The following MAP3K15 variants were observed in gnomAD, a reference collection of about 807,000 sequenced individuals.
The protein encoded by MAP3K15 is mitogen-activated protein kinase kinase kinase 15.
In MAP3K15, 124 loss-of-function variants were observed where a neutral mutation model predicts 99.5. The ratio of observed to expected loss-of-function variants is 1.25; its 90% CI spans 1.08 to 1.45. The LOEUF is 1.45. Ranked by LOEUF, MAP3K15 falls within the 40% of genes most tolerant of loss-of-function variation. MAP3K15 has a pLI of 0.00. For synonymous variants in MAP3K15, 494 were observed against 439.6 expected (o/e 1.12, Z -1.55); for missense variants, 1,242 against 1,079.7 (o/e 1.15, Z -2.11).
chrX:19,441,976 T>C (rs895949467), intron 6 of MAP3K15, among the ~76,000 whole-genome samples: 5 of 111,807 alleles, frequency 4.5e-5, no homozygotes, highest in African/African-American at 1.6e-4. Context: ...TACATCCACA[T>C]TGGAATAGTG....
In MAP3K15 at chrX:19,378,903, T is replaced by C. The variant is rs2063439150; in HGVS notation, c.2589+1217A>G. On this transcript the variant is annotated intron_variant, in intron 19 of 28. Coordinates refer to ENST00000338883, the MANE Select transcript of MAP3K15 (RefSeq NM_001001671.4). ...TTCCTGTTAGCTCGGGGAGGGTTGT[T>C]GGAATGATAAGGGATATATTTACCT... Among the ~76,000 whole-genome samples, 3 of 111,075 alleles carry C rather than the reference T, an allele frequency of 2.7e-5. No individual in the cohort carries two copies. The South Asian group carries it at 1.2e-3, about 43-fold the overall frequency.
intron 9 of MAP3K15, among the ~76,000 whole-genome samples, chrX:19,416,212 T>C (rs1178129442): frequency 1.8e-5 from 2 of 110,836 alleles, no homozygotes; most frequent in East Asian, 2.8e-4. Context: ...GCGTCTATAG[T>C]CCCAACTACT....
chrX:19,496,744 T>C (rs184962811), intron 1 of MAP3K15: 1 of 111,194 alleles, frequency 9.0e-6, no homozygotes, highest in East Asian at 2.8e-4. Context: ...CTTTTACATA[T>C]ACTCCTCCCA....
At position 19,415,249 on chromosome X, in the gene MAP3K15, C is replaced by A. The variant is rs781249134; in HGVS notation, c.1448G>T (p.Arg483Leu). The A allele has an allele frequency of 1.7e-6, 2 of 1,165,927 alleles. No individual in the cohort carries two copies. Among genetic ancestry groups the A allele is most frequent in the Non-Finnish European group, 2.3e-6 (2 of 879,207 alleles). The change falls in exon 10 of 29, where the codon CGA (arginine) becomes CTA (leucine). Residue 483 changes from arginine to leucine, a missense_variant. Physicochemically the swap from Arg to Leu is moderately radical, Grantham distance 102 (BLOSUM62 -2). Transcript: ENST00000338883. ...FKLKPPVWYLRSLVQNLLLIR... is the reference protein window; with the variant it reads ...FKLKPPVWYLLSLVQNLLLIR... ...TAGTAACAAGTTCTGAACTAATGAT[C>A]GCAGGTACCTGGAAAAATCACAAAC...
intron 16 of MAP3K15, among the ~76,000 whole-genome samples, chrX:19,393,876 G>A (rs1260104173): frequency 1.0e-5 from 1 of 100,414 alleles, no homozygotes; most frequent in Non-Finnish European, 2.0e-5. Context: ...GGTTTTAAGC[G>A]ATTCTTGTGC....
chrX:19,447,398 C>T (rs1417217057), intron 6 of MAP3K15, among the ~76,000 whole-genome samples: 228 of 111,820 alleles, frequency 2.0e-3, no homozygotes, highest in Non-Finnish European at 3.6e-3. Context: ...CCCTACATTG[C>T]TGAAATAAGA....
intron 9 of MAP3K15, among the ~76,000 whole-genome samples, chrX:19,419,599 A>G (rs981559391): frequency 9.0e-6 from 1 of 111,292 alleles, no homozygotes; most frequent in African/African-American, 3.3e-5. Flanking sequence ...GGGAGACTTT[A>G]ACACCCCACT....
intron 18 of MAP3K15, among the ~76,000 whole-genome samples, chrX:19,386,115 G>A (rs1421983387): frequency 8.9e-6 from 1 of 111,798 alleles, no homozygotes; most frequent in Non-Finnish European, 1.9e-5. Flanking sequence ...TGGCATTGTG[G>A]GGCATCTGAA....
intron 3 of MAP3K15, among the ~76,000 whole-genome samples, chrX:19,474,545 G>T (rs867013031): frequency 1.0e-5 from 1 of 97,166 alleles, no homozygotes; most frequent in Non-Finnish European, 2.1e-5. Context: ...TTGGAGGTTG[G>T]GGGGGGGGGT....
intron 11 of MAP3K15, among the ~76,000 whole-genome samples, chrX:19,411,680 G>C (rs1247923203): frequency 9.1e-6 from 1 of 110,241 alleles, no homozygotes; most frequent in Non-Finnish European, 1.9e-5. Context: ...GCTAAAGTGG[G>C]GGAAGAAGGA....
chrX:19,448,224 T>C (rs1376516220), intron 6 of MAP3K15, among the ~76,000 whole-genome samples: 1 of 109,385 alleles, frequency 9.1e-6, no homozygotes. Context: ...CCACATGCGA[T>C]TGATTCAGAG....
chrX:19,392,714 G>T (rs1252555787), intron 16 of MAP3K15, among the ~76,000 whole-genome samples: 1 of 111,443 alleles, frequency 9.0e-6, no homozygotes, highest in Admixed American at 9.6e-5. Context: ...TGTGCCCCCT[G>T]AAATTCAGTG....
intron 9 of MAP3K15, 28 bp downstream of exon 9, chrX:19,425,503 G>A: frequency 8.6e-7 from 1 of 1,166,327 alleles, no homozygotes; most frequent in Non-Finnish European, 1.1e-6. Context: ...ATTGAGATGG[G>A]TGATGACAAC....
chrX:19,513,713 G>A (rs1443395910), intron 1 of MAP3K15, among the ~76,000 whole-genome samples: 2 of 111,555 alleles, frequency 1.8e-5, no homozygotes, highest in Admixed American at 9.5e-5. Context: ...TAGGTTTAGG[G>A]TAGGCACTGT....
chrX:19,481,348 G>A (rs1322829508), intron 3 of MAP3K15, among the ~76,000 whole-genome samples: 1 of 107,482 alleles, frequency 9.3e-6, no homozygotes, highest in Non-Finnish European at 1.9e-5. Context: ...AATGAAGTTG[G>A]ACATCTACCT....
chrX:19,370,843 C>T (rs1231365358), intron 24 of MAP3K15, 116 bp downstream of exon 24: 3 of 585,674 alleles, frequency 5.1e-6, no homozygotes, highest in Non-Finnish European at 8.4e-6. Context: ...GCATTTAATT[C>T]CAAGGAAGTA....
At chrX:19,424,695 G>A (rs2063816262) in intron 9 of MAP3K15, among the ~76,000 whole-genome samples, 1 of 110,589 alleles carries the variant, frequency 9.0e-6, no homozygotes, top group Non-Finnish European at 1.9e-5. Context: ...ACCCAGGCTG[G>A]ATTGCAGTTG....
At chrX:19,441,538 C>T (rs983394314) in intron 6 of MAP3K15, among the ~76,000 whole-genome samples, 5 of 111,812 alleles carry the variant, frequency 4.5e-5, no homozygotes, top group African/African-American at 1.3e-4. Flanking sequence ...TGCAGTGGCA[C>T]GATCTCACTG....
At chrX:19,457,682 C>T (rs1309871842) in intron 5 of MAP3K15, among the ~76,000 whole-genome samples, 2 of 112,303 alleles carry the variant, frequency 1.8e-5, no homozygotes, top group Non-Finnish European at 3.8e-5. Context: ...TGGACAAATA[C>T]ACACAAGCAA....
Sources: gnomAD v4.1 joint callset for allele counts (sites outside exome capture counted in the v4.1 genomes callset) on GRCh38, gnomAD v4.1.1 for gene constraint, MANE v1.5 for transcripts, NCBI Gene and HGNC (gene_info 2026-07-23, HGNC 2026-07-21) for gene names.